The following COL21A1 variants were observed in gnomAD, a reference collection of about 807,000 sequenced individuals.
The protein encoded by COL21A1 is collagen type XXI alpha 1 chain.
In COL21A1, 149 loss-of-function variants were observed where a neutral mutation model predicts 137.9. The ratio of observed to expected loss-of-function variants is 1.08; its 90% CI spans 0.95 to 1.24. COL21A1 has a LOEUF of 1.24. Among genes scored for constraint, COL21A1 ranks in the 50% most tolerant of loss-of-function variants. The probability of loss-of-function intolerance (pLI) is 0.00; values close to 1 mark genes in which losing one functional copy is unlikely to be tolerated. For synonymous variants in COL21A1, 456 were observed against 391.5 expected (o/e 1.16, Z -1.95); for missense variants, 1,167 against 1,158.4 (o/e 1.01, Z -0.11).
At chr6:56,120,248 T>C (rs1417890070) in intron 16 of COL21A1, among the ~76,000 whole-genome samples, 2 of 152,126 alleles carry the variant, frequency 1.3e-5, no homozygotes, top group African/African-American at 4.8e-5. Flanking sequence ...AATATTTGAA[T>C]AGACATTACT....
intron 12 of COL21A1, among the ~76,000 whole-genome samples, chr6:56,126,864 A>C (rs2152215205): frequency 6.6e-6 from 1 of 152,326 alleles, no homozygotes; most frequent in Middle Eastern, 3.4e-3. Flanking sequence ...AAGATTACAC[A>C]CAAGCAATCA....
At chr6:56,087,575 CATCCAGGCTTTCTTGTT>C (rs1467842070) in intron 17 of COL21A1, among the ~76,000 whole-genome samples, 1 of 152,158 alleles carries the variant, frequency 6.6e-6, no homozygotes, top group East Asian at 1.9e-4. Flanking sequence ...AGCATTCTGT[CATCCAGGCTTTCTTGTT>C]ATACAACCAA....
chr6:56,087,525 G>T (rs974091255), intron 17 of COL21A1, among the ~76,000 whole-genome samples: 1 of 152,124 alleles, frequency 6.6e-6, no homozygotes, highest in Non-Finnish European at 1.5e-5. Flanking sequence ...TGTACTTCCT[G>T]ATTTCAGGGA....
intron 28 of COL21A1, 65 bp from the exon 29 acceptor site, chr6:56,059,307 A>G (rs1327181494): frequency 1.5e-5 from 17 of 1,128,362 alleles, no homozygotes; most frequent in Non-Finnish European, 2.0e-5. Context: ...TGTTTCATTC[A>G]AAGCTGTTAA....
intron 3 of COL21A1, among the ~76,000 whole-genome samples, chr6:56,177,829 C>T (rs1044587523): frequency 4.7e-5 from 6 of 127,464 alleles, no homozygotes; most frequent in African/African-American, 1.8e-4. Context: ...GTGCAGAAAA[C>T]ATCCATATAA....
At chr6:56,089,820 A>G (rs1414227527) in intron 17 of COL21A1, among the ~76,000 whole-genome samples, 1 of 152,222 alleles carries the variant, frequency 6.6e-6, no homozygotes, top group Non-Finnish European at 1.5e-5. Context: ...TTGCAATTGC[A>G]TTTATTCCTC....
At chr6:56,102,586 T>C (rs138410904) in intron 16 of COL21A1, among the ~76,000 whole-genome samples, 105 of 152,320 alleles carry the variant, frequency 6.9e-4, no homozygotes, top group Admixed American at 5.9e-3. Flanking sequence ...TGCAATGCAC[T>C]GAAGCATATT....
intron 29 of COL21A1, among the ~76,000 whole-genome samples, 198 bp from the exon 30 acceptor site, chr6:56,058,042 A>G (rs907368400): frequency 1.3e-5 from 2 of 152,146 alleles, no homozygotes; most frequent in South Asian, 2.1e-4. Flanking sequence ...AGTTAAAGTT[A>G]TCAGTAATTT....
intron 1 of COL21A1, among the ~76,000 whole-genome samples, chr6:56,329,668 G>A (rs1449918512): frequency 6.6e-6 from 1 of 152,010 alleles, no homozygotes; most frequent in Non-Finnish European, 1.5e-5. Context: ...TCCGGTCACA[G>A]GTTTAAATAA....
At chr6:56,208,281 T>C (rs1310217311) in intron 1 of COL21A1, among the ~76,000 whole-genome samples, 1 of 152,164 alleles carries the variant, frequency 6.6e-6, no homozygotes, top group Non-Finnish European at 1.5e-5. Context: ...GAAAACCCCA[T>C]TGTCTCAGCC....
chr6:56,361,009 G>A (rs1018734847), intron 1 of COL21A1, among the ~76,000 whole-genome samples: 4 of 152,158 alleles, frequency 2.6e-5, no homozygotes, highest in African/African-American at 4.8e-5. Flanking sequence ...GCTGAGAATC[G>A]CTCAAACCTG....
intron 1 of COL21A1, among the ~76,000 whole-genome samples, chr6:56,216,945 A>G (rs1247848765): frequency 6.6e-6 from 1 of 152,106 alleles, no homozygotes; most frequent in Non-Finnish European, 1.5e-5. Context: ...ACCTGATTAG[A>G]TGTTCCAAAG....
At chr6:56,169,744 C>G (rs888153334) in intron 5 of COL21A1, among the ~76,000 whole-genome samples, 3 of 151,946 alleles carry the variant, frequency 2.0e-5, no homozygotes, top group African/African-American at 7.2e-5. Flanking sequence ...TGTTAGAACA[C>G]ATTTTCCCAT....
chr6:56,260,608 AGAAAGAAAG>A (rs1763230152), intron 1 of COL21A1, among the ~76,000 whole-genome samples: 1 of 137,426 alleles, frequency 7.3e-6, no homozygotes, highest in Admixed American at 7.4e-5. Flanking sequence ...AAGAAGAAGA[AGAAAGAAAG>A]AGAGAGAGAG....
At chr6:56,287,113 T>A (rs4521578) in intron 1 of COL21A1, among the ~76,000 whole-genome samples, 130,514 of 152,154 alleles carry the variant, frequency 0.86, 56,073 homozygotes, top group East Asian at 0.91. Flanking sequence ...ATCAATCCTC[T>A]CATTGAGGCT....
At chr6:56,129,398 G>C (rs1458823386) in intron 12 of COL21A1, among the ~76,000 whole-genome samples, 1 of 152,068 alleles carries the variant, frequency 6.6e-6, no homozygotes, top group African/African-American at 2.4e-5. Context: ...CACTCAGAGA[G>C]ACTAGAGCAA....
At chr6:56,306,474 A>C (rs1168638419) in intron 1 of COL21A1, among the ~76,000 whole-genome samples, 1 of 151,990 alleles carries the variant, frequency 6.6e-6, no homozygotes, top group Non-Finnish European at 1.5e-5. Context: ...GCTTCATTTC[A>C]TTCATTTCAT....
chr6:56,300,900 A>T (rs1349657397), intron 1 of COL21A1, among the ~76,000 whole-genome samples: 1 of 152,188 alleles, frequency 6.6e-6, no homozygotes, highest in Non-Finnish European at 1.5e-5. Flanking sequence ...TACCCAATCT[A>T]AACCTATCAA....
At chr6:56,203,667 T>C (rs981807058) in intron 1 of COL21A1, among the ~76,000 whole-genome samples, 1 of 152,228 alleles carries the variant, frequency 6.6e-6, no homozygotes, top group Admixed American at 6.5e-5. Flanking sequence ...GATTATTTAA[T>C]TTCCAGGCAA....
Sources: allele counts gnomAD v4.1 joint callset (sites outside exome capture counted in the v4.1 genomes callset), GRCh38; gene constraint gnomAD v4.1.1; transcripts MANE v1.5; gene names NCBI Gene and HGNC (gene_info 2026-07-23, HGNC 2026-07-21).